Variants in SLC45A3 observed in about 807,000 individuals in gnomAD.
SLC45A3 encodes solute carrier family 45 member 3.
In SLC45A3, 17 loss-of-function variants were observed where a neutral mutation model predicts 35.3. The ratio of observed to expected loss-of-function variants is 0.48; its 90% CI spans 0.33 to 0.72. SLC45A3 has a LOEUF of 0.72. SLC45A3 is among the 30% of genes least tolerant of loss of function. The pLI, the probability that SLC45A3 is intolerant of heterozygous loss-of-function variation, is 0.02. For synonymous variants in SLC45A3, 288 were observed against 334.3 expected (o/e 0.86, Z 1.51); for missense variants, 597 against 731.7 (o/e 0.82, Z 2.12).
intron 1 of SLC45A3, among the ~76,000 whole-genome samples, chr1:205,675,091 G>C (rs1353305957): frequency 1.3e-5 from 2 of 152,242 alleles, no homozygotes; most frequent in Non-Finnish European, 2.9e-5. Flanking sequence ...AAAATGGTAT[G>C]AGCTAATGCT....
At position 205,663,064 on chromosome 1, in the gene SLC45A3, G is replaced by C; in HGVS notation, c.727C>G (p.Pro243Ala). 6.2e-7 allele frequency: 1 copy of C among 1,607,106 alleles called. No homozygotes were observed. The highest frequency in any genetic ancestry group is 8.5e-7 in the Non-Finnish European group (1 of 1,175,872). ...SAPSLSPHCC[P>A]CRARLAFRNL... ...CGGAAAGCCAAGCGGGCCCGGCATG[G>C]ACAGCAGTGGGGCGACAAGGAGGGG... The change falls in exon 3 of 5, where the codon CCA (proline) becomes GCA (alanine). Residue 243 changes from proline to alanine, a missense_variant. Coordinates refer to ENST00000367145, the MANE Select transcript of SLC45A3 (RefSeq NM_033102.3).
rs1380259851 is a variant in SLC45A3, at chr1:205,659,684, G to A, written c.1225-13C>T. 1.3e-6 allele frequency: 2 copies of A among 1,518,798 alleles called. No homozygotes were observed. Among genetic ancestry groups the A allele is most frequent in the Non-Finnish European group, 1.8e-6 (2 of 1,134,960 alleles). The allele number at this position is 1,518,798 out of a possible 1,614,324, so 94.1% of individuals were successfully genotyped here. On this transcript the variant is annotated splice_polypyrimidine_tract_variant and intron_variant, in intron 4 of 4. Coordinates refer to ENST00000367145, the MANE Select transcript of SLC45A3 (RefSeq NM_033102.3). The surrounding 1 kb of genome is among the most constrained non-coding windows in gnomAD (Gnocchi z 5.8). ...TGGGCAGGAACACCTAAGGCAGAGG[G>A]GTGAAGAAAAGGGGAAGAGGACAGG...
At chr1:205,674,072 G>C (rs1024634554) in intron 1 of SLC45A3, among the ~76,000 whole-genome samples, 1 of 152,216 alleles carries the variant, frequency 6.6e-6, no homozygotes, top group African/African-American at 2.4e-5. Context: ...AGTGGCACAA[G>C]TGTGAAGATA....
rs151119932 is a variant in SLC45A3, at chr1:205,672,568, T to G, written c.-230-7682A>C. On this transcript the variant is annotated intron_variant, in intron 1 of 4. Transcript: ENST00000367145. ...CAAATCCAAGGTAGGTGTTTAATAT[T>G]CATATTCGAGATGAACAGCTCAGTC... is the stretch of plus-strand genomic sequence containing the variant. 2.4e-3 allele frequency among the ~76,000 whole-genome samples: 369 copies of G among 152,326 alleles called. 4 individuals are homozygous for G. Among genetic ancestry groups the G allele is most frequent in the African/African-American group, 8.2e-3 (342 of 41,576 alleles).
At chr1:205,672,698 G>C (rs11240551) in intron 1 of SLC45A3, among the ~76,000 whole-genome samples, 35,594 of 152,094 alleles carry the variant, frequency 0.23, 4,712 homozygotes, top group Admixed American at 0.34. Context: ...AGCCAGGAGA[G>C]GGCAGTCCTG....
intron 1 of SLC45A3, among the ~76,000 whole-genome samples, chr1:205,668,042 C>A (rs1326377292): frequency 2.0e-5 from 3 of 152,108 alleles, no homozygotes; most frequent in Non-Finnish European, 2.9e-5. Context: ...CCCCTGTATT[C>A]TTTGGTGGCA....
chr1:205,673,058 C>G (rs1373870306), intron 1 of SLC45A3, among the ~76,000 whole-genome samples: 2 of 152,160 alleles, frequency 1.3e-5, no homozygotes, highest in Non-Finnish European at 2.9e-5. Flanking sequence ...GCCGCACTTA[C>G]CCCATCCTTC....
In SLC45A3 at chr1:205,664,094, T is replaced by C. The variant is rs11240548; in HGVS notation, c.172+391A>G. On this transcript the variant is annotated intron_variant, in intron 2 of 4. Coordinates refer to ENST00000367145, the MANE Select transcript of SLC45A3 (RefSeq NM_033102.3). The surrounding 1 kb of genome is among the most constrained non-coding windows in gnomAD (Gnocchi z 5.3). ...CCAGCTCTACTGTTCAGCTGCTATT[T>C]GGCTTTGGCTAAGACTTACCTAACC... Among the ~76,000 whole-genome samples the C allele has an allele frequency of 0.023, 3,462 of 152,302 alleles. 134 individuals are homozygous for C. The highest frequency in any genetic ancestry group is 0.078 in the African/African-American group (3,235 of 41,552).
chr1:205,664,423 C>T lies in SLC45A3; in HGVS notation c.172+62G>A, dbSNP rs556318379. 7.5e-6 allele frequency: 12 copies of T among 1,591,124 alleles called. No homozygotes were observed. The African/African-American group carries it at 9.4e-5, about 12-fold the overall frequency. On this transcript the variant is annotated intron_variant, in intron 2 of 4. Coordinates refer to ENST00000367145, the MANE Select transcript of SLC45A3 (RefSeq NM_033102.3). The surrounding 1 kb of genome is among the most constrained non-coding windows in gnomAD (Gnocchi z 5.3). Reference sequence around the variant, plus strand: ...AGCAGCTCCCAGGGCAGAGGTACTCCTGTCCCACATGCCAGGTGGCATGTA... The same window carrying T: ...AGCAGCTCCCAGGGCAGAGGTACTCTTGTCCCACATGCCAGGTGGCATGTA...
rs72750941 is a variant in SLC45A3 at position 205,664,195 on chromosome 1, C to T, written c.172+290G>A. 0.031 allele frequency among the ~76,000 whole-genome samples: 4,683 copies of T among 152,258 alleles called. 129 individuals are homozygous for T. The highest frequency in any genetic ancestry group is 0.074 in the African/African-American group (3,093 of 41,540). ...GGTTGTAAGCATTAAATGAGATAATCGCTATAAATTATAAAAGGGCTAGCC... is the reference window on the plus strand; with the variant it reads ...GGTTGTAAGCATTAAATGAGATAATTGCTATAAATTATAAAAGGGCTAGCC... On this transcript the variant is annotated intron_variant, in intron 2 of 4. Transcript: ENST00000367145. The surrounding 1 kb of genome is among the most constrained non-coding windows in gnomAD (Gnocchi z 5.3).
At position 205,680,502 on chromosome 1, in the gene SLC45A3, T is replaced by A. The variant is rs1671390800; in HGVS notation, c.-339A>T. ...GCCGGCGGCTTTTAAATCTCCAGGT[T>A]ACTCCGCGGGGGGAGAGAGCATGCG... On this transcript the variant is annotated 5_prime_UTR_variant, in exon 1 of 5. Transcript: ENST00000367145. The A allele has an allele frequency of 6.7e-6, 1 of 149,562 alleles. No individual in the cohort carries two copies. The highest frequency in any genetic ancestry group is 6.6e-5 in the Admixed American group (1 of 15,096). The allele number at this position is 149,562 out of a possible 1,614,324, so 9.3% of individuals were successfully genotyped here. A position where few individuals can be genotyped will look rare whatever the true frequency, so the allele number is the denominator to read the frequency against.
At chr1:205,677,484 C>G (rs529295302) in intron 1 of SLC45A3, among the ~76,000 whole-genome samples, 23 of 152,326 alleles carry the variant, frequency 1.5e-4, no homozygotes, top group African/African-American at 5.3e-4. Flanking sequence ...TTATTTAATC[C>G]TGGAAATACT....
intron 1 of SLC45A3, among the ~76,000 whole-genome samples, chr1:205,668,947 G>C (rs1278442608): frequency 6.6e-6 from 1 of 152,142 alleles, no homozygotes; most frequent in Non-Finnish European, 1.5e-5. Context: ...CAGTGAACCT[G>C]GATCCCCGCT....
chr1:205,663,149 T>A lies in SLC45A3; in HGVS notation c.642A>T (p.Thr214=). 6.2e-7 allele frequency: 1 copy of A among 1,611,566 alleles called. No homozygotes were observed. Among genetic ancestry groups the A allele is most frequent in the South Asian group, 1.1e-5 (1 of 90,968 alleles). The change falls in exon 3 of 5, where the codon ACA becomes ACT. Residue 214 remains threonine (T), a synonymous_variant. Coordinates refer to ENST00000367145, the MANE Select transcript of SLC45A3 (RefSeq NM_033102.3). ...GCGCTGCCTCCTCAGCCACCAGCAG[T>A]GTGGCTGCTACGCAGGTGAGGAAGA... is the stretch of plus-strand genomic sequence containing the variant. ...TLIFLTCVAA[T]LLVAEEAALG...
chr1:205,679,583 A>C (rs1671366924), intron 1 of SLC45A3, among the ~76,000 whole-genome samples: 1 of 152,128 alleles, frequency 6.6e-6, no homozygotes, highest in South Asian at 2.1e-4. Flanking sequence ...TGCCGTTTGC[A>C]GAACTCTGTC....
At chr1:205,661,745 A>G in intron 4 of SLC45A3, 116 bp downstream of exon 4, 1 of 1,423,064 alleles carries the variant, frequency 7.0e-7, no homozygotes, top group South Asian at 1.4e-5. Flanking sequence ...TTCTTCTCTG[A>G]TTCAAAGAAG....
rs1359593888 is a variant in SLC45A3 at position 205,663,560 on chromosome 1, G to C, written c.231C>G (p.His77Gln). The C allele has an allele frequency of 6.2e-7, 1 of 1,612,126 alleles. No homozygotes were observed. Among genetic ancestry groups the C allele is most frequent in the South Asian group, 1.1e-5 (1 of 90,996 alleles). ...CVPLLGSASD[H>Q]WRGRYGRRRP... ...GGCGGCGGCCATAGCGTCCACGCCA[G>C]TGGTCACTGGCTGAGCCTAGGAGCG... Residue 77 changes from histidine to glutamine, a missense_variant, in exon 3 of 5, where the codon CAC (histidine) becomes CAG (glutamine). His to Gln is a conservative substitution (Grantham distance 24). Coordinates refer to ENST00000367145, the MANE Select transcript of SLC45A3 (RefSeq NM_033102.3).
At chr1:205,675,819 TG>T (rs1671305306) in intron 1 of SLC45A3, among the ~76,000 whole-genome samples, 1 of 152,066 alleles carries the variant, frequency 6.6e-6, no homozygotes, top group Non-Finnish European at 1.5e-5. Context: ...CACAGCCCCC[TG>T]GAAACCAAGC....
intron 1 of SLC45A3, among the ~76,000 whole-genome samples, chr1:205,672,021 C>T (rs1469322099): frequency 6.6e-6 from 1 of 152,218 alleles, no homozygotes; most frequent in Non-Finnish European, 1.5e-5. Flanking sequence ...ACCCATTTTA[C>T]AGGCACAGAA....
Sources: gnomAD v4.1 joint callset for allele counts (sites outside exome capture counted in the v4.1 genomes callset) on GRCh38, gnomAD v4.1.1 for gene constraint, Gnocchi (gnomAD v3.1) non-coding constraint, MANE v1.5 for transcripts, NCBI Gene and HGNC (gene_info 2026-07-23, HGNC 2026-07-21) for gene names.